SLC8B1: variants seen among roughly 807,000 people sequenced by gnomAD.
SLC8B1 encodes the protein mitochondrial sodium/calcium exchanger protein.
In SLC8B1, 52 loss-of-function variants were observed where a neutral mutation model predicts 63.4. That is an observed-to-expected ratio of 0.82 (90% CI 0.66 to 1.03). SLC8B1 has a LOEUF of 1.03. Among genes scored for constraint, SLC8B1 ranks in the 50% least tolerant of loss-of-function variants. The pLI, the probability that SLC8B1 is intolerant of heterozygous loss-of-function variation, is 0.00. For missense variants in SLC8B1, 657 were observed against 741.7 expected, an observed-to-expected ratio of 0.89 and a Z score of 1.33; for synonymous variants, 336 against 323.9, an observed-to-expected ratio of 1.04 and a Z score of -0.40.
In SLC8B1 at chr12:113,320,420, A is replaced by G; in HGVS notation, c.605T>C (p.Phe202Ser). 3 of 1,614,182 alleles carry G rather than the reference A, an allele frequency of 1.9e-6. No individual in the cohort carries two copies. The highest frequency in any genetic ancestry group is 2.5e-6 in the Non-Finnish European group (3 of 1,180,032). The change falls in exon 7 of 16, where the codon TTC becomes TCC. Residue 202 changes from phenylalanine to serine, a missense_variant. Coordinates refer to ENST00000680972, the MANE Select transcript of SLC8B1 (RefSeq NM_001358345.2). The surrounding 1 kb of genome is among the most constrained non-coding windows in gnomAD (Gnocchi z 5.3). Reference sequence around the variant, plus strand: ...CATGTAGAAAACGATGTCCCTGAAGAAGGGCCTGGAGGCAGCCATGAAGGG... The same window carrying G: ...CATGTAGAAAACGATGTCCCTGAAGGAGGGCCTGGAGGCAGCCATGAAGGG... ...LHPFMAASRP[F>S]FRDIVFYMVA...
chr12:113,328,177 G>A (rs1051396053), intron 2 of SLC8B1, among the ~76,000 whole-genome samples: 24 of 152,200 alleles, frequency 1.6e-4, no homozygotes, highest in African/African-American at 5.5e-4. Context: ...CACCACAGGT[G>A]CGCATCACAC....
rs142990549 is a variant in SLC8B1, at chr12:113,320,237, C to G, written c.694+94G>C. On this transcript the variant is annotated intron_variant, in intron 7 of 15. Transcript: ENST00000680972. This position sits in a 1 kb window ranked among gnomAD's most constrained non-coding sequence, Gnocchi z 5.3. ...ACTTGTAATCAAATCAAAGCCCCCA[C>G]TGACCACCCCTCACACCTCTCTGTC... 1.4e-6 allele frequency: 2 copies of G among 1,438,014 alleles called. No individual in the cohort carries two copies. The highest frequency in any genetic ancestry group is 1.3e-5 in the South Asian group (1 of 74,396). The allele number at this position is 1,438,014 out of a possible 1,614,324, so 89.1% of individuals were successfully genotyped here. A position where few individuals can be genotyped will look rare whatever the true frequency, so the allele number is the denominator to read the frequency against.
intron 2 of SLC8B1, among the ~76,000 whole-genome samples, chr12:113,324,249 G>C (rs1202280217): frequency 6.6e-6 from 1 of 151,438 alleles, no homozygotes; most frequent in Admixed American, 6.6e-5. Flanking sequence ...GGAGGTTGAG[G>C]CTGCAGTGAG....
rs921953834 is a variant in SLC8B1 at position 113,315,437 on chromosome 12, C to A, written c.1033G>T (p.Val345Leu). 1 of 1,601,760 alleles carries A rather than the reference C, an allele frequency of 6.2e-7. No homozygotes were observed. The highest frequency in any genetic ancestry group is 1.1e-5 in the South Asian group (1 of 88,308). Residue 345 changes from valine (V) to leucine (L), a missense_variant, in exon 11 of 16, where the codon GTG (valine) becomes TTG (leucine). Transcript: ENST00000680972. ...TTCTGGTCATCCTTGTCCGGGTCCA[C>A]GACGGGGACTGTGAGGAGCAGCAGG... ...EFLLLLTVPV[V>L]DPDKDDQNWK...
At chr12:113,319,582 C>T (rs1252471704) in intron 7 of SLC8B1, among the ~76,000 whole-genome samples, 9 of 152,134 alleles carry the variant, frequency 5.9e-5, no homozygotes, top group African/African-American at 1.9e-4. Flanking sequence ...CCTGCTGCCA[C>T]GAGGGATGAG....
At position 113,299,899 on chromosome 12, in the gene SLC8B1, C is replaced by G; in HGVS notation, c.1633G>C (p.Val545Leu). 1 of 1,614,214 alleles carries G rather than the reference C, an allele frequency of 6.2e-7. No homozygotes were observed. Among genetic ancestry groups the G allele is most frequent in the South Asian group, 1.1e-5 (1 of 91,088 alleles). Residue 545 changes from valine (V) to leucine (L), a missense_variant, in exon 16 of 16, where the codon GTC becomes CTC. Coordinates refer to ENST00000680972, the MANE Select transcript of SLC8B1 (RefSeq NM_001358345.2). ...CTGAGCTGGAAGCACTGCAATGGGA[C>G]TGAGACCAGGGAGAAGACGAGGCTG... ...GLSLVFSLVS[V>L]PLQCFQLSRV...
At position 113,305,980 on chromosome 12, in the gene SLC8B1, A is replaced by G. The variant is rs1230875861; in HGVS notation, c.1492+515T>C. 6.9e-6 allele frequency among the ~76,000 whole-genome samples: 1 copy of G among 144,034 alleles called. No homozygotes were observed. The highest frequency in any genetic ancestry group is 1.5e-5 in the Non-Finnish European group (1 of 67,174). 94.5% of individuals were successfully genotyped at this position (144,034 alleles called of 152,430 possible). On this transcript the variant is annotated intron_variant, in intron 14 of 15. Coordinates refer to ENST00000680972, the MANE Select transcript of SLC8B1 (RefSeq NM_001358345.2). The surrounding 1 kb of genome is among the most constrained non-coding windows in gnomAD (Gnocchi z 4.3). ...AGACTGAGGCAGGAGAATTGCTTGA[A>G]CCCGGAAGGCAGAAATTGCAGTGAG...
chr12:113,299,801 T>C lies in SLC8B1; in HGVS notation c.1731A>G (p.Gly577=). 9 of 1,614,042 alleles carry C rather than the reference T, an allele frequency of 5.6e-6. No homozygotes were observed. The highest frequency in any genetic ancestry group is 7.6e-6 in the Non-Finnish European group (9 of 1,180,008). Residue 577 remains glycine (G), a synonymous_variant, in exon 16 of 16, where the codon GGA becomes GGG. Transcript: ENST00000680972. ...FLVVALLTEF[G]VIHLKSM is the part of the protein sequence containing the mutation. ...GTCACATGCTTTTCAGGTGAATCACTCCAAATTCAGTGAGGAGGGCCACGA... is the reference window on the plus strand; with the variant it reads ...GTCACATGCTTTTCAGGTGAATCACCCCAAATTCAGTGAGGAGGGCCACGA...
At chr12:113,315,263 CTGGG>C in intron 11 of SLC8B1, 68 bp downstream of exon 11, 1 of 1,429,690 alleles carries the variant, frequency 7.0e-7, no homozygotes, top group Non-Finnish European at 9.3e-7. Flanking sequence ...GTACTCCAGC[CTGGG>C]TGGAAGAAAA....
intron 12 of SLC8B1, among the ~76,000 whole-genome samples, chr12:113,309,604 AAATTAGCTGGGCGTGGTGGCTT>A (rs1956727374): frequency 1.3e-5 from 2 of 152,004 alleles, no homozygotes; most frequent in Non-Finnish European, 2.9e-5. Flanking sequence ...AAACATACAA[AAATTAGCTGGGCGTGGTGGCTT>A]GCGCCTGTAG....
At chr12:113,303,137 ACACACG>A (rs1174336205) in intron 15 of SLC8B1, among the ~76,000 whole-genome samples, 4 of 148,578 alleles carry the variant, frequency 2.7e-5, no homozygotes, top group African/African-American at 1.0e-4. Context: ...ACACACACAC[ACACACG>A]CGCGCGCACA....
At chr12:113,303,141 A>ACACACACACACACGCG (rs773636454) in intron 15 of SLC8B1, among the ~76,000 whole-genome samples, 146 of 145,738 alleles carry the variant, frequency 1.0e-3, no homozygotes, top group Middle Eastern at 3.5e-3. Flanking sequence ...ACACACACAC[A>ACACACACACACACGCG]CGCGCGCGCA....
In SLC8B1 at chr12:113,320,452, G is replaced by GA; in HGVS notation, c.572dup (p.Leu192ProfsTer90). 6.2e-7 allele frequency: 1 copy of GA among 1,614,150 alleles called. No individual in the cohort carries two copies. Among genetic ancestry groups the GA allele is most frequent in the Non-Finnish European group, 8.5e-7 (1 of 1,180,018 alleles). ...TGGAGGCAGCCATGAAGGGGTGTAGGATGGTAATGCCTCCGGCCACCACTG... is the reference window on the plus strand; with the variant it reads ...TGGAGGCAGCCATGAAGGGGTGTAGGAATGGTAATGCCTCCGGCCACCACTG... On this transcript the variant is annotated frameshift_variant, in exon 7 of 16. Coordinates refer to ENST00000680972, the MANE Select transcript of SLC8B1 (RefSeq NM_001358345.2). LOFTEE classifies it high-confidence loss of function. This position sits in a 1 kb window ranked among gnomAD's most constrained non-coding sequence, Gnocchi z 5.3.
chr12:113,322,697 A>G (rs1956947198), intron 2 of SLC8B1, among the ~76,000 whole-genome samples: 1 of 152,140 alleles, frequency 6.6e-6, no homozygotes, highest in African/African-American at 2.4e-5. Context: ...CTGTAACTGT[A>G]GCATTTTGGG....
chr12:113,321,421 G>A (rs1956928668), intron 2 of SLC8B1, 73 bp from the exon 3 acceptor site: 6 of 1,597,260 alleles, frequency 3.8e-6, no homozygotes, highest in Non-Finnish European at 5.1e-6. Context: ...CATCTAAGCA[G>A]CTAAACATAA....
chr12:113,321,798 T>A (rs1015002111), intron 2 of SLC8B1, among the ~76,000 whole-genome samples: 8 of 148,302 alleles, frequency 5.4e-5, no homozygotes, highest in South Asian at 2.1e-4. Flanking sequence ...ATATATATAT[T>A]AATATACCTT....
In SLC8B1 at chr12:113,307,721, T is replaced by C; in HGVS notation, c.1381A>G (p.Thr461Ala). Reference protein sequence around the residue: ...FRLSNTVLGLTLLAWGNSIGD... With the variant: ...FRLSNTVLGLALLAWGNSIGD... ...ATGCTGTTCCCCCAGGCCAGCAGCGTGAGCCCCAGCACAGTGTTGCTCAGC... is the reference window on the plus strand; with the variant it reads ...ATGCTGTTCCCCCAGGCCAGCAGCGCGAGCCCCAGCACAGTGTTGCTCAGC... The change falls in exon 13 of 16, where the codon ACG becomes GCG. Residue 461 changes from threonine to alanine, a missense_variant. Coordinates refer to ENST00000680972, the MANE Select transcript of SLC8B1 (RefSeq NM_001358345.2). 6.2e-7 allele frequency: 1 copy of C among 1,614,036 alleles called. No individual in the cohort carries two copies.
In SLC8B1 at chr12:113,307,141, A is replaced by C. The variant is rs1003402255; in HGVS notation, c.1411+550T>G. Among the ~76,000 whole-genome samples the C allele has an allele frequency of 8.2e-4, 121 of 147,764 alleles. 1 individual carries two copies. The East Asian group carries it at 0.019, about 23-fold the overall frequency. On this transcript the variant is annotated intron_variant, in intron 13 of 15. Coordinates refer to ENST00000680972, the MANE Select transcript of SLC8B1 (RefSeq NM_001358345.2). ...AAAAAAAAAAAAAAAAAAAAAAAAA[A>C]AAAAAAAAAACTACGGCTACCAATT... is the stretch of plus-strand genomic sequence containing the variant.
At chr12:113,311,322 C>T (rs1237769935) in intron 11 of SLC8B1, among the ~76,000 whole-genome samples, 1 of 152,126 alleles carries the variant, frequency 6.6e-6, no homozygotes. Context: ...TGGTGGCACA[C>T]ACCTGTAGTC....
Sources: gnomAD v4.1 joint callset for allele counts (sites outside exome capture counted in the v4.1 genomes callset) on GRCh38, gnomAD v4.1.1 for gene constraint, Gnocchi (gnomAD v3.1) non-coding constraint, MANE v1.5 for transcripts, NCBI Gene and HGNC (gene_info 2026-07-23, HGNC 2026-07-21) for gene names.